HOMER1: variants seen among roughly 807,000 people sequenced by gnomAD.
HOMER1 encodes the protein homer scaffold protein 1.
HOMER1 carries 3 observed loss-of-function variants against 48.9 expected under a neutral mutation model. The observed-to-expected ratio is 0.06, with a 90% confidence interval of 0.03 to 0.16. HOMER1 has a LOEUF of 0.16. Ranked by LOEUF, HOMER1 falls within the 10% of genes least tolerant of loss-of-function variation. The probability of loss-of-function intolerance (pLI) is 1.00; values close to 1 mark genes in which losing one functional copy is unlikely to be tolerated. For missense variants in HOMER1, 247 were observed against 411.4 expected, an observed-to-expected ratio of 0.60 and a Z score of 3.46; for synonymous variants, 134 against 146.4, an observed-to-expected ratio of 0.92 and a Z score of 0.61.
intron 8 of HOMER1, among the ~76,000 whole-genome samples, chr5:79,383,368 CA>C (rs2112193300): frequency 6.6e-6 from 1 of 151,598 alleles, no homozygotes; most frequent in African/African-American, 2.4e-5. Context: ...CTGTACTTAA[CA>C]GACATTTACA....
At chr5:79,431,372 C>T (rs558004323) in intron 5 of HOMER1, among the ~76,000 whole-genome samples, 1 of 144,974 alleles carries the variant, frequency 6.9e-6, no homozygotes, top group South Asian at 2.2e-4. Flanking sequence ...ACAAAGGCCA[C>T]ATATTATGAT....
intron 5 of HOMER1, among the ~76,000 whole-genome samples, chr5:79,417,569 T>A (rs1757708558): frequency 6.6e-6 from 1 of 152,216 alleles, no homozygotes; most frequent in African/African-American, 2.4e-5. Context: ...AAATAAAAAA[T>A]TATGTTTCTT....
At chr5:79,410,979 A>G (rs1056209923) in intron 5 of HOMER1, among the ~76,000 whole-genome samples, 1 of 152,196 alleles carries the variant, frequency 6.6e-6, no homozygotes, top group Non-Finnish European at 1.5e-5. Flanking sequence ...GTGATTCAGA[A>G]AATACACTGA....
chr5:79,462,837 C>T (rs1269528898), intron 1 of HOMER1, among the ~76,000 whole-genome samples: 1 of 152,102 alleles, frequency 6.6e-6, no homozygotes, highest in East Asian at 1.9e-4. Context: ...CAAGAGAGTG[C>T]AAAGGCATAG....
Position 79,375,959 on chromosome 5 carries a change from A to AAG in HOMER1, c.*48_*49dup. ...GATGCAGAGCCTAAACAGTCCTATG[A>AAG]AGAGAGACAGTGTATCTTTTAATTA... On this transcript the variant is annotated 3_prime_UTR_variant, in exon 9 of 9. Transcript: ENST00000334082. 1 of 1,189,324 alleles carries AAG rather than the reference A, an allele frequency of 8.4e-7. No homozygotes were observed. 73.7% of individuals were successfully genotyped at this position (1,189,324 alleles called of 1,614,324 possible).
intron 1 of HOMER1, among the ~76,000 whole-genome samples, chr5:79,512,509 A>C (rs1329622062): frequency 6.6e-6 from 1 of 152,146 alleles, no homozygotes; most frequent in African/African-American, 2.4e-5. Context: ...AAAGTGTAGA[A>C]TGCGTTGTCT....
intron 5 of HOMER1, among the ~76,000 whole-genome samples, chr5:79,415,521 C>T (rs1046594831): frequency 1.1e-4 from 16 of 152,122 alleles, no homozygotes; most frequent in African/African-American, 3.9e-4. Flanking sequence ...ACATATATTA[C>T]ATGTGTACAA....
intron 5 of HOMER1, among the ~76,000 whole-genome samples, chr5:79,436,110 G>A (rs1197836945): frequency 1.3e-5 from 2 of 150,544 alleles, no homozygotes; most frequent in Admixed American, 6.6e-5. Flanking sequence ...TCCGGCCTGG[G>A]CGACAGAGCG....
chr5:79,512,985 C>T lies in HOMER1; in HGVS notation c.-211G>A. ...AAATACCAAAACGTTCAAACAGAGGCGGCATTTGCTTATTCGAGTTAAAAT... is the reference window on the plus strand; with the variant it reads ...AAATACCAAAACGTTCAAACAGAGGTGGCATTTGCTTATTCGAGTTAAAAT... On this transcript the variant is annotated 5_prime_UTR_variant, in exon 1 of 9. Transcript: ENST00000334082. The T allele has an allele frequency of 1.7e-6, 1 of 583,436 alleles. No homozygotes were observed. Among genetic ancestry groups the T allele is most frequent in the Non-Finnish European group, 3.0e-6 (1 of 327,882 alleles). The allele number at this position is 583,436 out of a possible 1,614,324, so 36.1% of individuals were successfully genotyped here.
intron 5 of HOMER1, among the ~76,000 whole-genome samples, chr5:79,406,256 C>CAA (rs1290418091): frequency 1.3e-5 from 2 of 152,110 alleles, no homozygotes; most frequent in Non-Finnish European, 2.9e-5. Flanking sequence ...CAAGGAAGCT[C>CAA]AAGTTTAAGA....
At chr5:79,488,708 C>A (rs1411131330) in intron 1 of HOMER1, among the ~76,000 whole-genome samples, 1 of 152,156 alleles carries the variant, frequency 6.6e-6, no homozygotes, top group Admixed American at 6.5e-5. Context: ...AAATAAATTT[C>A]TAACAATAAT....
chr5:79,460,028 C>CT (rs930491451), intron 1 of HOMER1, among the ~76,000 whole-genome samples: 1 of 82,294 alleles, frequency 1.2e-5, no homozygotes, highest in Non-Finnish European at 2.8e-5. Context: ...TTCTTTCTTT[C>CT]TTTTCTTTAA....
chr5:79,379,416 ATT>A (rs1434303202), intron 8 of HOMER1, among the ~76,000 whole-genome samples: 1 of 115,628 alleles, frequency 8.6e-6, no homozygotes, highest in Non-Finnish European at 1.7e-5. Context: ...ATATTTATAT[ATT>A]TTATATATTA....
chr5:79,390,358 A>G (rs1749219186), intron 8 of HOMER1, among the ~76,000 whole-genome samples: 1 of 152,170 alleles, frequency 6.6e-6, no homozygotes, highest in African/African-American at 2.4e-5. Context: ...AAATACGAAC[A>G]CAGGTAACTA....
At chr5:79,434,545 T>C (rs1322034304) in intron 5 of HOMER1, among the ~76,000 whole-genome samples, 1 of 152,104 alleles carries the variant, frequency 6.6e-6, no homozygotes, top group Non-Finnish European at 1.5e-5. Flanking sequence ...TCAAAAGATA[T>C]TATCATTTAG....
intron 5 of HOMER1, among the ~76,000 whole-genome samples, chr5:79,405,004 C>G (rs776271766): frequency 2.0e-5 from 3 of 152,022 alleles, no homozygotes; most frequent in Non-Finnish European, 4.4e-5. Context: ...CCATCGTGCC[C>G]GGTCCTGATT....
chr5:79,452,775 T>G (rs1055711386), intron 2 of HOMER1, among the ~76,000 whole-genome samples: 4 of 152,190 alleles, frequency 2.6e-5, no homozygotes, highest in African/African-American at 7.2e-5. Context: ...TTATGCTCAA[T>G]TAAGTGTTTT....
chr5:79,462,629 T>C (rs1751345340), intron 1 of HOMER1, among the ~76,000 whole-genome samples: 1 of 151,994 alleles, frequency 6.6e-6, no homozygotes. Flanking sequence ...GAAACGAGGA[T>C]CATAAAAAAA....
chr5:79,388,775 T>C (rs1749179392), intron 8 of HOMER1, among the ~76,000 whole-genome samples: 1 of 152,020 alleles, frequency 6.6e-6, no homozygotes, highest in Admixed American at 6.5e-5. Flanking sequence ...TTATTACTTA[T>C]TATTTTAAAT....
Sources: allele counts gnomAD v4.1 joint callset (sites outside exome capture counted in the v4.1 genomes callset), GRCh38; gene constraint gnomAD v4.1.1; transcripts MANE v1.5; gene names NCBI Gene and HGNC (gene_info 2026-07-23, HGNC 2026-07-21).